Variants in CTIF observed in about 807,000 individuals in gnomAD.
CTIF encodes CBP80/20-dependent translation initiation factor.
In CTIF, 21 loss-of-function variants were observed where a neutral mutation model predicts 66.0. The observed-to-expected ratio is 0.32, with a 90% CI of 0.23 to 0.46. CTIF has a LOEUF of 0.46. CTIF is among the 20% of genes least tolerant of loss of function. The pLI is 1.00. For missense variants in CTIF, 739 were observed against 812.7 expected, an observed-to-expected ratio of 0.91 and a Z score of 1.10; for synonymous variants, 345 against 326.4, an observed-to-expected ratio of 1.06 and a Z score of -0.62.
intron 9 of CTIF, among the ~76,000 whole-genome samples, chr18:48,794,476 G>A (rs946817155): frequency 1.2e-4 from 18 of 152,310 alleles, no homozygotes; most frequent in East Asian, 3.9e-4. Context: ...TCTTGGGGCC[G>A]GGGGAGGGGT....
At chr18:48,599,198 G>C (rs1052549759) in intron 1 of CTIF, among the ~76,000 whole-genome samples, 2 of 152,236 alleles carry the variant, frequency 1.3e-5, no homozygotes, top group Admixed American at 1.3e-4. Flanking sequence ...GGTGTGGCCG[G>C]GGCCTCACAC....
At chr18:48,637,458 G>A (rs183125211) in intron 3 of CTIF, among the ~76,000 whole-genome samples, 7 of 152,318 alleles carry the variant, frequency 4.6e-5, no homozygotes, top group East Asian at 3.9e-4. Flanking sequence ...TCCAGCCTCC[G>A]ACTATGCCTG....
chr18:48,765,332 TG>T (rs1380649015), intron 9 of CTIF, among the ~76,000 whole-genome samples: 1 of 151,960 alleles, frequency 6.6e-6, no homozygotes, highest in Non-Finnish European at 1.5e-5. Context: ...AGCACCTGGT[TG>T]GGTTTGGCAG....
intron 10 of CTIF, among the ~76,000 whole-genome samples, chr18:48,824,986 C>T (rs2068554959): frequency 6.6e-6 from 1 of 152,118 alleles, no homozygotes; most frequent in African/African-American, 2.4e-5. Flanking sequence ...TGTTTTCCTC[C>T]ACTTCCTCTC....
intron 11 of CTIF, 33 bp downstream of exon 11, chr18:48,857,674 A>C (rs573182983): frequency 6.3e-7 from 1 of 1,587,060 alleles, no homozygotes; most frequent in South Asian, 1.1e-5. Flanking sequence ...CCCCAACCTC[A>C]AAGCCGGTGC....
intron 7 of CTIF, among the ~76,000 whole-genome samples, chr18:48,719,940 C>T (rs545539895): frequency 6.6e-6 from 1 of 152,146 alleles, no homozygotes; most frequent in African/African-American, 2.4e-5. Flanking sequence ...AATAAATCAA[C>T]AATATGTATT....
intron 1 of CTIF, among the ~76,000 whole-genome samples, chr18:48,589,862 A>G (rs2089851994): frequency 6.6e-6 from 1 of 152,184 alleles, no homozygotes; most frequent in Non-Finnish European, 1.5e-5. Flanking sequence ...CACCTCACGG[A>G]AGCATCACTT....
intron 7 of CTIF, among the ~76,000 whole-genome samples, chr18:48,725,883 C>T (rs1014938024): frequency 6.6e-6 from 1 of 152,106 alleles, no homozygotes; most frequent in Non-Finnish European, 1.5e-5. Flanking sequence ...GACTTTGTTG[C>T]CTGGAGGTCA....
intron 1 of CTIF, among the ~76,000 whole-genome samples, chr18:48,559,167 C>T (rs953665108): frequency 2.6e-5 from 4 of 151,904 alleles, no homozygotes; most frequent in African/African-American, 7.3e-5. Context: ...ACTCTGGAGT[C>T]TCATTGTCAA....
At chr18:48,736,142 C>A (rs1419746016) in intron 7 of CTIF, among the ~76,000 whole-genome samples, 1 of 152,192 alleles carries the variant, frequency 6.6e-6, no homozygotes, top group African/African-American at 2.4e-5. Flanking sequence ...TTCCAAGATA[C>A]ACTGAGTCAA....
intron 3 of CTIF, among the ~76,000 whole-genome samples, chr18:48,637,885 A>G (rs954481010): frequency 1.3e-5 from 2 of 152,094 alleles, no homozygotes; most frequent in African/African-American, 4.8e-5. Flanking sequence ...CTTGGGTCTC[A>G]GCTTCCTCAC....
chr18:48,840,348 T>A (rs553041165), intron 10 of CTIF, among the ~76,000 whole-genome samples: 1 of 152,096 alleles, frequency 6.6e-6, no homozygotes, highest in South Asian at 2.1e-4. Flanking sequence ...GGCTAAGCCC[T>A]CATCCCCATG....
chr18:48,811,545 A>T (rs2068258185), intron 9 of CTIF, among the ~76,000 whole-genome samples: 1 of 152,108 alleles, frequency 6.6e-6, no homozygotes, highest in Non-Finnish European at 1.5e-5. Flanking sequence ...GAAACTCTCT[A>T]CCTATTAACC....
At chr18:48,551,824 G>A (rs1168301086) in intron 1 of CTIF, among the ~76,000 whole-genome samples, 1 of 151,652 alleles carries the variant, frequency 6.6e-6, no homozygotes, top group South Asian at 2.1e-4. Context: ...TGGAGACGGA[G>A]TCTTACTCTG....
Position 48,860,662 on chromosome 18 carries a change from G to C in CTIF, c.*1103G>C, listed in dbSNP as rs1011494331. The C allele has an allele frequency of 2.0e-5, 3 of 152,390 alleles. No homozygotes were observed. The highest frequency in any genetic ancestry group is 2.9e-5 in the Non-Finnish European group (2 of 68,152). 9.4% of individuals were successfully genotyped at this position (152,390 alleles called of 1,614,324 possible). On this transcript the variant is annotated 3_prime_UTR_variant, in exon 12 of 12. Transcript: ENST00000256413. ...GCGCTCCACACGCAGGTCTTACTGGGGAAAAGGATGGGAGTGGGGGCTCCC... is the reference window on the plus strand; with the variant it reads ...GCGCTCCACACGCAGGTCTTACTGGCGAAAAGGATGGGAGTGGGGGCTCCC...
chr18:48,596,639 G>A (rs1183769430), intron 1 of CTIF, among the ~76,000 whole-genome samples: 1 of 151,906 alleles, frequency 6.6e-6, no homozygotes, highest in Admixed American at 6.6e-5. Flanking sequence ...TAACACACCT[G>A]GCTAATTTTT....
chr18:48,582,913 G>A (rs1599183420), intron 1 of CTIF, among the ~76,000 whole-genome samples: 1 of 152,126 alleles, frequency 6.6e-6, no homozygotes, highest in East Asian at 1.9e-4. Context: ...CATGCTCCTG[G>A]GCACTCTTCC....
chr18:48,680,190 C>A (rs986125668), intron 6 of CTIF, among the ~76,000 whole-genome samples: 1 of 152,238 alleles, frequency 6.6e-6, no homozygotes. Context: ...TTGTTAGGGA[C>A]AAAGGCTAGA....
chr18:48,804,455 A>G (rs1262221140), intron 9 of CTIF, among the ~76,000 whole-genome samples: 2 of 152,178 alleles, frequency 1.3e-5, no homozygotes, highest in African/African-American at 4.8e-5. Context: ...AGGACGTGGC[A>G]TGATGGCCAG....
Sources: allele counts gnomAD v4.1 joint callset (sites outside exome capture counted in the v4.1 genomes callset), GRCh38; gene constraint gnomAD v4.1.1; transcripts MANE v1.5; gene names NCBI Gene and HGNC (gene_info 2026-07-23, HGNC 2026-07-21).